Variants in PHF6 observed in about 807,000 individuals in gnomAD.
PHF6 encodes the protein PHD-like zinc finger protein.
A neutral mutation model predicts 34.0 loss-of-function variants in PHF6; 7 were observed. The ratio of observed to expected loss-of-function variants is 0.21; its 90% confidence interval spans 0.12 to 0.39. PHF6 has a LOEUF of 0.39. Ranked by LOEUF, PHF6 falls within the 10% of genes least tolerant of loss-of-function variation. The pLI is 1.00. For synonymous variants in PHF6, 89 were observed against 88.4 expected (o/e 1.01, Z -0.04); for missense variants, 128 against 262.8 (o/e 0.49, Z 3.55).
chrX:134,418,434 A>T lies in PHF6; in HGVS notation c.968+1132A>T, dbSNP rs758740091. ...CATTTGTTTAATCGACTGGAGTATAAGTTGGTAGGGACTCTTGAAGTTTTG... is the reference window on the plus strand; with the variant it reads ...CATTTGTTTAATCGACTGGAGTATATGTTGGTAGGGACTCTTGAAGTTTTG... On this transcript the variant is annotated intron_variant, in intron 9 of 10. Coordinates refer to ENST00000370803, the MANE Select transcript of PHF6 (RefSeq NM_001015877.2). 23 of 111,420 alleles carry T rather than the reference A, an allele frequency of 2.1e-4. 1 individual carries two copies. The East Asian group carries it at 5.9e-3, about 29-fold the overall frequency. 9.2% of individuals were successfully genotyped at this position (111,420 alleles called of 1,213,427 possible).
intron 8 of PHF6, among the ~76,000 whole-genome samples, chrX:134,416,053 G>A (rs1035554146): frequency 3.6e-5 from 4 of 109,942 alleles, no homozygotes; most frequent in South Asian, 7.9e-4. Flanking sequence ...TCTGCCTCCC[G>A]GGTTCAAGTG....
chrX:134,416,648 T>G (rs1244391490), intron 8 of PHF6, among the ~76,000 whole-genome samples: 2 of 112,243 alleles, frequency 1.8e-5, no homozygotes, highest in Non-Finnish European at 3.8e-5. Flanking sequence ...TGAAACCCCC[T>G]TTTCAACAGG....
chrX:134,413,933 T>C lies in PHF6; in HGVS notation c.696T>C (p.Asn232=), dbSNP rs199592517. ...CACGAGGAAAACTGCATATATTTAA[T>C]GCCAAGAAGGCAGCTGCCCATTATA... ...NEARGKLHIF[N]AKKAAAHYKC... The change falls in exon 7 of 11, where the codon AAT becomes AAC. Residue 232 remains asparagine (N), a synonymous_variant. Transcript: ENST00000370803. The C allele has an allele frequency of 1.7e-6, 2 of 1,208,946 alleles. No individual in the cohort carries two copies. The highest frequency in any genetic ancestry group is 3.5e-5 in the African/African-American group (2 of 57,108).
chrX:134,399,670 G>GAC (rs980086441), intron 5 of PHF6, among the ~76,000 whole-genome samples: 2 of 92,889 alleles, frequency 2.2e-5, no homozygotes, highest in African/African-American at 8.3e-5. Context: ...CACACACACA[G>GAC]ACACACACAC....
intron 5 of PHF6, among the ~76,000 whole-genome samples, chrX:134,399,945 T>A (rs1210093946): frequency 8.9e-6 from 1 of 111,745 alleles, no homozygotes; most frequent in Admixed American, 9.5e-5. Flanking sequence ...CTCCCAAACC[T>A]CTGGCAACCA....
intron 9 of PHF6, among the ~76,000 whole-genome samples, chrX:134,423,827 C>T (rs2077499296): frequency 9.0e-6 from 1 of 110,825 alleles, no homozygotes; most frequent in African/African-American, 3.3e-5. Context: ...TGAACATGTT[C>T]TAAGCATTCT....
At chrX:134,421,977 G>T (rs1211058394) in intron 9 of PHF6, among the ~76,000 whole-genome samples, 1 of 110,455 alleles carries the variant, frequency 9.1e-6, no homozygotes, top group African/African-American at 3.3e-5. Flanking sequence ...TGCCTAGGCT[G>T]GAGTGCAATG....
At chrX:134,381,069 C>G (rs890456650) in intron 3 of PHF6, among the ~76,000 whole-genome samples, 7 of 110,648 alleles carry the variant, frequency 6.3e-5, no homozygotes, top group African/African-American at 2.3e-4. Context: ...ATTGGCCAGG[C>G]TGGTCTTGAA....
At chrX:134,398,141 C>T (rs1313641556) in intron 5 of PHF6, among the ~76,000 whole-genome samples, 1 of 111,579 alleles carries the variant, frequency 9.0e-6, no homozygotes, top group Non-Finnish European at 1.9e-5. Context: ...GCCTGTAATC[C>T]CAGCATTTTG....
At chrX:134,406,106 CTTTCTTT>C (rs1320701537) in intron 5 of PHF6, among the ~76,000 whole-genome samples, 949 of 83,262 alleles carry the variant, frequency 0.011, 7 homozygotes, top group Non-Finnish European at 0.017. Context: ...TTCTTTCTTT[CTTTCTTT>C]TTTTTTTTAC....
intron 1 of PHF6, 75 bp from the exon 2 acceptor site, chrX:134,377,497 T>G: frequency 1.2e-6 from 1 of 835,754 alleles, no homozygotes; most frequent in East Asian, 3.2e-5. Flanking sequence ...GGTCAAATTT[T>G]TAACAACTTT....
chrX:134,418,835 T>G, intron 9 of PHF6: 1 of 100,015 alleles, frequency 1.0e-5, no homozygotes, highest in South Asian at 4.3e-4. Flanking sequence ...TAGACCAATC[T>G]CCCCTTTTTT....
At chrX:134,422,329 A>G (rs2077494830) in intron 9 of PHF6, among the ~76,000 whole-genome samples, 1 of 112,146 alleles carries the variant, frequency 8.9e-6, no homozygotes, top group Non-Finnish European at 1.9e-5. Flanking sequence ...TAGCTATTAG[A>G]CAACCATATT....
In PHF6 at chrX:134,428,174, C is replaced by T. The variant is rs761139135; in HGVS notation, c.*2514C>T. On this transcript the variant is annotated 3_prime_UTR_variant, in exon 11 of 11. Transcript: ENST00000370803. ...TATTAAACAGTGTAATCTTTGCAAG[C>T]GTATATTGAAGATTATTCTGGAGCA... 108 of 146,252 alleles carry T rather than the reference C, an allele frequency of 7.4e-4. No individual in the cohort carries two copies. The highest frequency in any genetic ancestry group is 3.2e-3 in the African/African-American group (100 of 31,174). 12.1% of individuals were successfully genotyped at this position (146,252 alleles called of 1,213,427 possible).
In PHF6 at chrX:134,405,041, G is replaced by T. The variant is rs1419043399; in HGVS notation, c.419-8450G>T. Among the ~76,000 whole-genome samples the T allele has an allele frequency of 3.6e-5, 4 of 111,359 alleles. No individual in the cohort carries two copies. The Admixed American group carries it at 3.8e-4, about 11-fold the overall frequency. The stretch of plus-strand genomic sequence containing the variant: ...TATCTTGAAGATGTCTGTAAATACT[G>T]TGTTCTATATCATTATTATTCCTTT... On this transcript the variant is annotated intron_variant, in intron 5 of 10. Coordinates refer to ENST00000370803, the MANE Select transcript of PHF6 (RefSeq NM_001015877.2).
At chrX:134,383,479 T>G (rs1362163800) in intron 3 of PHF6, among the ~76,000 whole-genome samples, 1 of 111,131 alleles carries the variant, frequency 9.0e-6, no homozygotes, top group Non-Finnish European at 1.9e-5. Context: ...ACTTGATGAC[T>G]GTCCTCAGGT....
chrX:134,423,723 T>C (rs1396307410), intron 9 of PHF6, among the ~76,000 whole-genome samples: 1 of 111,975 alleles, frequency 8.9e-6, no homozygotes, highest in African/African-American at 3.2e-5. Context: ...TTTATTCTAC[T>C]CAAATATTAG....
rs772460885 is a variant in PHF6, at chrX:134,389,749, C to T, written c.241-3752C>T. Among the ~76,000 whole-genome samples the T allele has an allele frequency of 5.6e-4, 62 of 111,559 alleles. 1 individual carries two copies. Among genetic ancestry groups the T allele is most frequent in the African/African-American group, 1.9e-3 (59 of 30,760 alleles). On this transcript the variant is annotated intron_variant, in intron 3 of 10. Coordinates refer to ENST00000370803, the MANE Select transcript of PHF6 (RefSeq NM_001015877.2). The stretch of plus-strand genomic sequence containing the variant: ...TTCTTGCCACGTTCATTCTGTGCTC[C>T]TCCAACTGGATTGATCTCCCCAATT...
intron 5 of PHF6, among the ~76,000 whole-genome samples, chrX:134,407,362 T>C (rs1368822771): frequency 8.9e-6 from 1 of 112,745 alleles, no homozygotes; most frequent in Non-Finnish European, 1.9e-5. Context: ...GTTAAGATAC[T>C]GTACAAGTGA....
Sources: gnomAD v4.1 joint callset for allele counts (sites outside exome capture counted in the v4.1 genomes callset) on GRCh38, gnomAD v4.1.1 for gene constraint, MANE v1.5 for transcripts, NCBI Gene and HGNC (gene_info 2026-07-23, HGNC 2026-07-21) for gene names.